The following MTPN variants were observed in gnomAD, a reference collection of about 807,000 sequenced individuals.
The protein encoded by MTPN is granule cell differentiation protein.
Under a neutral mutation model 13.5 loss-of-function variants are expected in MTPN, and 2 were observed. That is an observed-to-expected ratio of 0.15 (90% CI 0.06 to 0.47). The LOEUF is 0.47. Among genes scored for constraint, MTPN ranks in the 20% least tolerant of loss-of-function variants. MTPN has a pLI of 0.97. For synonymous variants in MTPN, 46 were observed against 51.7 expected (o/e 0.89, Z 0.48); for missense variants, 79 against 137.9 (o/e 0.57, Z 2.14).
At chr7:135,976,924 T>C in intron 1 of MTPN, 105 bp downstream of exon 1, 3 of 724,832 alleles carry the variant, frequency 4.1e-6, no homozygotes, top group Non-Finnish European at 5.0e-6. Context: ...AGGAAGTCTC[T>C]CCTCCCGCCC....
intron 1 of MTPN, among the ~76,000 whole-genome samples, chr7:135,976,627 T>A (rs2116421258): frequency 6.6e-6 from 1 of 152,326 alleles, no homozygotes; most frequent in African/African-American, 2.4e-5. Flanking sequence ...TTAGGTTACT[T>A]CATTTAGTAA....
chr7:135,974,535 G>C (rs1255154759), intron 1 of MTPN, among the ~76,000 whole-genome samples: 4 of 151,890 alleles, frequency 2.6e-5, no homozygotes, highest in African/African-American at 9.7e-5. Flanking sequence ...AAAAAACCCT[G>C]TTTCCAAAAA....
intron 1 of MTPN, among the ~76,000 whole-genome samples, chr7:135,974,522 A>C (rs1209009642): frequency 6.6e-6 from 1 of 152,192 alleles, no homozygotes; most frequent in Non-Finnish European, 1.5e-5. Context: ...AAAAACAAAA[A>C]CAAAAAAACC....
intron 1 of MTPN, among the ~76,000 whole-genome samples, chr7:135,965,792 G>C (rs544368719): frequency 5.0e-4 from 76 of 152,120 alleles, no homozygotes; most frequent in Admixed American, 9.8e-4. Context: ...ATTTCTAAGA[G>C]AGGAAATGAA....
chr7:135,944,321 T>A lies in MTPN; in HGVS notation c.270+6278A>T. Among the ~76,000 whole-genome samples the A allele has an allele frequency of 2.6e-5, 4 of 152,250 alleles. No individual in the cohort carries two copies. In the South Asian group the frequency reaches 8.3e-4, roughly 32 times the overall value. On this transcript the variant is annotated intron_variant, in intron 3 of 3. Coordinates refer to ENST00000393085, the MANE Select transcript of MTPN (RefSeq NM_145808.4). The stretch of plus-strand genomic sequence containing the variant: ...GGAATTATGTACATTATATGGAATT[T>A]TAATGAGTATTATAGAAAATATAAT...
intron 3 of MTPN, among the ~76,000 whole-genome samples, 182 bp from the exon 4 acceptor site, chr7:135,930,194 G>A (rs1798996459): frequency 6.6e-6 from 1 of 152,152 alleles, no homozygotes; most frequent in African/African-American, 2.4e-5. Flanking sequence ...TTATAAAAAT[G>A]CCACATTATT....
chr7:135,941,315 G>C (rs1219796968), intron 3 of MTPN, among the ~76,000 whole-genome samples: 1 of 149,310 alleles, frequency 6.7e-6, no homozygotes, highest in Admixed American at 6.6e-5. Flanking sequence ...ACAGAACCAG[G>C]CCTTAAATCT....
At chr7:135,937,633 A>G (rs1311135977) in intron 3 of MTPN, among the ~76,000 whole-genome samples, 2 of 152,168 alleles carry the variant, frequency 1.3e-5, no homozygotes, top group Non-Finnish European at 1.5e-5. Flanking sequence ...ATATAAATAC[A>G]CTTGACCCTT....
intron 1 of MTPN, among the ~76,000 whole-genome samples, chr7:135,966,593 T>C (rs1482015383): frequency 6.6e-6 from 1 of 152,060 alleles, no homozygotes; most frequent in East Asian, 1.9e-4. Flanking sequence ...TCAAAATCTG[T>C]CACAAGAACC....
At chr7:135,959,551 T>C (rs1049316572) in intron 1 of MTPN, among the ~76,000 whole-genome samples, 1 of 152,144 alleles carries the variant, frequency 6.6e-6, no homozygotes, top group Non-Finnish European at 1.5e-5. Context: ...AATTCACTGA[T>C]TCGACCTGAT....
intron 1 of MTPN, among the ~76,000 whole-genome samples, chr7:135,953,133 A>C (rs1400878793): frequency 6.6e-6 from 1 of 152,078 alleles, no homozygotes; most frequent in Non-Finnish European, 1.5e-5. Context: ...CCCCTTTGTC[A>C]CTTATGCCTG....
chr7:135,971,278 G>A (rs984256516), intron 1 of MTPN, among the ~76,000 whole-genome samples: 2 of 152,060 alleles, frequency 1.3e-5, no homozygotes, highest in African/African-American at 4.8e-5. Flanking sequence ...AAACAAGAGA[G>A]TACATGTATC....
At chr7:135,973,753 T>C (rs1251180666) in intron 1 of MTPN, among the ~76,000 whole-genome samples, 1 of 152,190 alleles carries the variant, frequency 6.6e-6, no homozygotes, top group South Asian at 2.1e-4. Flanking sequence ...TTATTTATAA[T>C]TTGCATACTA....
intron 3 of MTPN, among the ~76,000 whole-genome samples, chr7:135,933,922 G>C (rs556626645): frequency 6.6e-6 from 1 of 152,132 alleles, no homozygotes; most frequent in Admixed American, 6.5e-5. Context: ...CATGAGACCT[G>C]GTTGCTTAAA....
At chr7:135,940,612 C>T (rs1799194118) in intron 3 of MTPN, among the ~76,000 whole-genome samples, 1 of 152,170 alleles carries the variant, frequency 6.6e-6, no homozygotes, top group Non-Finnish European at 1.5e-5. Context: ...AAGAAACTTG[C>T]CCAAGGTCAG....
rs1799387333 is a variant in MTPN, at chr7:135,953,010, G to C, written c.73-1380C>G. Among the ~76,000 whole-genome samples the C allele has an allele frequency of 2.0e-5, 3 of 152,006 alleles. No homozygotes were observed. In the South Asian group the frequency reaches 6.2e-4, roughly 31 times the overall value. On this transcript the variant is annotated intron_variant, in intron 1 of 3. Transcript: ENST00000393085. ...TGTATTATTCACTTAGCATAGTTTG[G>C]TCAACTCATCAAGCCATACCCTGAA...
intron 3 of MTPN, among the ~76,000 whole-genome samples, chr7:135,940,130 C>T (rs1799186629): frequency 6.6e-6 from 1 of 152,286 alleles, no homozygotes; most frequent in South Asian, 2.1e-4. Flanking sequence ...TGATTTGAGG[C>T]AACTGTTTGT....
intron 3 of MTPN, among the ~76,000 whole-genome samples, 167 bp downstream of exon 3, chr7:135,950,432 G>T (rs1427423117): frequency 6.6e-6 from 1 of 152,130 alleles, no homozygotes; most frequent in Admixed American, 6.5e-5. Flanking sequence ...CCACAAACTG[G>T]TAACAGTTTA....
Position 135,927,888 on chromosome 7 carries a change from T to C in MTPN, c.*2038A>G. 1 of 319,744 alleles carries C rather than the reference T, an allele frequency of 3.1e-6. No individual in the cohort carries two copies. The allele number at this position is 319,744 out of a possible 1,614,324, so 19.8% of individuals were successfully genotyped here. A position where few individuals can be genotyped will look rare whatever the true frequency, so the allele number is the denominator to read the frequency against. ...ACCAGGTTTAGGAATGATAGGACAA[T>C]GCACTCTCTGCAATAGCCAACTACA... is the stretch of plus-strand genomic sequence containing the variant. On this transcript the variant is annotated 3_prime_UTR_variant, in exon 4 of 4. Coordinates refer to ENST00000393085, the MANE Select transcript of MTPN (RefSeq NM_145808.4).
Sources: allele counts gnomAD v4.1 joint callset (sites outside exome capture counted in the v4.1 genomes callset), GRCh38; gene constraint gnomAD v4.1.1; transcripts MANE v1.5; gene names NCBI Gene and HGNC (gene_info 2026-07-23, HGNC 2026-07-21).